DLGAP2: variants seen among roughly 807,000 people sequenced by gnomAD.
The protein encoded by DLGAP2 is disks large-associated protein 2.
In DLGAP2, 26 loss-of-function variants were observed where a neutral mutation model predicts 100.3. The ratio of observed to expected loss-of-function variants is 0.26; its 90% CI spans 0.19 to 0.36. The LOEUF is 0.36. Among genes scored for constraint, DLGAP2 ranks in the 10% least tolerant of loss-of-function variants. DLGAP2 has a pLI of 1.00. For synonymous variants in DLGAP2, 886 were observed against 630.1 expected (o/e 1.41, Z -6.08); for missense variants, 1,858 against 1,453.2 (o/e 1.28, Z -4.53).
chr8:1,285,590 G>T (rs1470454159), intron 3 of DLGAP2, among the ~76,000 whole-genome samples: 1 of 152,136 alleles, frequency 6.6e-6, no homozygotes, highest in Non-Finnish European at 1.5e-5. Context: ...AAATAATTCT[G>T]CTGATTCATA....
At chr8:945,962 C>G (rs1297788535) in intron 2 of DLGAP2, among the ~76,000 whole-genome samples, 2 of 152,032 alleles carry the variant, frequency 1.3e-5, no homozygotes, top group South Asian at 2.1e-4. Flanking sequence ...CTCCTGTGCC[C>G]TTTTAAGAAG....
At chr8:1,117,254 C>G (rs1805146581) in intron 2 of DLGAP2, among the ~76,000 whole-genome samples, 9 of 152,236 alleles carry the variant, frequency 5.9e-5, no homozygotes, top group Admixed American at 5.9e-4. Flanking sequence ...GCTGTGCCCT[C>G]TCTGAGGCTG....
At chr8:943,216 G>A (rs1471248597) in intron 2 of DLGAP2, among the ~76,000 whole-genome samples, 1 of 152,166 alleles carries the variant, frequency 6.6e-6, no homozygotes, top group Non-Finnish European at 1.5e-5. Context: ...CTCAGACACA[G>A]GATGGCCACT....
At chr8:942,309 T>C (rs1799215821) in intron 2 of DLGAP2, among the ~76,000 whole-genome samples, 1 of 152,238 alleles carries the variant, frequency 6.6e-6, no homozygotes, top group Non-Finnish European at 1.5e-5. Flanking sequence ...CTCACATTTA[T>C]TCTTCCCACT....
chr8:977,696 G>C lies in DLGAP2; in HGVS notation c.73+69730G>C, dbSNP rs184648369. Among the ~76,000 whole-genome samples the C allele has an allele frequency of 1.2e-3, 178 of 150,222 alleles. 1 individual carries two copies. The highest frequency in any genetic ancestry group is 4.0e-3 in the African/African-American group (162 of 40,970). ...CCCTGTTATAGACTGTTTTTTAAGA[G>C]AGTTCATAGAATTTTAGTAATGTGG... On this transcript the variant is annotated intron_variant, in intron 2 of 14. Transcript: ENST00000637795.
At chr8:961,327 A>G (rs937895073) in intron 2 of DLGAP2, among the ~76,000 whole-genome samples, 5 of 149,346 alleles carry the variant, frequency 3.3e-5, no homozygotes, top group African/African-American at 1.2e-4. Context: ...CAGCTCATTT[A>G]TTTTCAGGCT....
intron 2 of DLGAP2, among the ~76,000 whole-genome samples, chr8:1,212,183 C>A (rs530979012): frequency 3.3e-5 from 5 of 152,342 alleles, no homozygotes; most frequent in Admixed American, 6.5e-5. Flanking sequence ...TTCCCAAGAG[C>A]CTCATGTTCA....
intron 3 of DLGAP2, among the ~76,000 whole-genome samples, chr8:1,364,307 G>C (rs1231450102): frequency 6.6e-6 from 1 of 152,164 alleles, no homozygotes; most frequent in Non-Finnish European, 1.5e-5. Flanking sequence ...GGTGGGGACA[G>C]AGCTGGGGTG....
intron 8 of DLGAP2, among the ~76,000 whole-genome samples, 176 bp from the exon 9 acceptor site, chr8:1,668,153 C>A (rs1798592191): frequency 6.6e-6 from 1 of 152,216 alleles, no homozygotes; most frequent in South Asian, 2.1e-4. Flanking sequence ...TGCACTGTTA[C>A]AGGTATATTC....
At chr8:1,331,335 CA>C (rs1163882334) in intron 3 of DLGAP2, among the ~76,000 whole-genome samples, 2 of 152,192 alleles carry the variant, frequency 1.3e-5, no homozygotes, top group Non-Finnish European at 2.9e-5. Flanking sequence ...AGTGTCCTCA[CA>C]CACCCGTTTC....
chr8:1,078,316 C>T (rs944257163), intron 2 of DLGAP2, among the ~76,000 whole-genome samples: 2 of 152,168 alleles, frequency 1.3e-5, no homozygotes, highest in Admixed American at 6.5e-5. Context: ...GAGTTCCCAC[C>T]TACTCTTTTT....
At chr8:1,156,461 C>T (rs1796789114) in intron 2 of DLGAP2, among the ~76,000 whole-genome samples, 1 of 152,180 alleles carries the variant, frequency 6.6e-6, no homozygotes, top group Non-Finnish European at 1.5e-5. Context: ...GCCACACGCT[C>T]ACGTCTCCAT....
intron 4 of DLGAP2, among the ~76,000 whole-genome samples, chr8:1,516,320 G>A (rs1036995437): frequency 1.3e-5 from 2 of 150,444 alleles, no homozygotes; most frequent in African/African-American, 4.9e-5. Context: ...AGGGAGGGAG[G>A]GAGTGAATGA....
chr8:1,422,813 C>T (rs894039240), intron 3 of DLGAP2, among the ~76,000 whole-genome samples: 4 of 152,154 alleles, frequency 2.6e-5, no homozygotes, highest in Admixed American at 2.0e-4. Flanking sequence ...GTTTCATCCA[C>T]AAGCAGTCTT....
intron 3 of DLGAP2, chr8:1,381,097 G>A (rs188782388): frequency 1.8e-4 from 28 of 151,966 alleles, no homozygotes; most frequent in African/African-American, 6.5e-4. Flanking sequence ...TAAAGGTCAC[G>A]GCGCATGGTG....
At chr8:1,408,360 A>T (rs1404894959) in intron 3 of DLGAP2, among the ~76,000 whole-genome samples, 1 of 152,126 alleles carries the variant, frequency 6.6e-6, no homozygotes, top group Non-Finnish European at 1.5e-5. Context: ...CTGTGTTCTC[A>T]TCAGGGGAGA....
intron 6 of DLGAP2, among the ~76,000 whole-genome samples, chr8:1,601,413 C>T (rs1390065665): frequency 6.6e-6 from 1 of 152,222 alleles, no homozygotes; most frequent in Non-Finnish European, 1.5e-5. Flanking sequence ...GCTGGGAGAG[C>T]TGCTGCTCTC....
At chr8:794,309 G>A (rs1795981730) in intron 1 of DLGAP2, among the ~76,000 whole-genome samples, 1 of 152,130 alleles carries the variant, frequency 6.6e-6, no homozygotes, top group Non-Finnish European at 1.5e-5. Flanking sequence ...ACCCAGTGGT[G>A]CTAGAGGAAT....
At position 1,345,069 on chromosome 8, in the gene DLGAP2, C is replaced by G. The variant is rs549208586; in HGVS notation, c.106+86186C>G. Among the ~76,000 whole-genome samples, 28 of 152,272 alleles carry G rather than the reference C, an allele frequency of 1.8e-4. No individual in the cohort carries two copies. In the South Asian group the frequency reaches 2.1e-3, roughly 11 times the overall value. ...CATTTGAAAGCTCAGTTATCTGGCC[C>G]TTTGCAAAGTTCATGACTCGGGAAC... On this transcript the variant is annotated intron_variant, in intron 3 of 14. Transcript: ENST00000637795.
Sources: allele counts gnomAD v4.1 joint callset (sites outside exome capture counted in the v4.1 genomes callset), GRCh38; gene constraint gnomAD v4.1.1; transcripts MANE v1.5; gene names NCBI Gene and HGNC (gene_info 2026-07-23, HGNC 2026-07-21).